ARID1B: variants seen among roughly 807,000 people sequenced by gnomAD.
The protein encoded by ARID1B is AT-rich interaction domain 1B, also known as AT-rich interactive domain-containing protein 1B.
A neutral mutation model predicts 212.3 loss-of-function variants in ARID1B; 30 were observed. That is an observed-to-expected ratio of 0.14 (90% CI 0.11 to 0.19). ARID1B has a LOEUF of 0.19. Among genes scored for constraint, ARID1B ranks in the 10% least tolerant of loss-of-function variants. The pLI, the probability that ARID1B is intolerant of heterozygous loss-of-function variation, is 1.00. For missense variants in ARID1B, 2,891 were observed against 3,204.0 expected (o/e 0.90, Z 2.36); for synonymous variants, 1,402 against 1,301.7 (o/e 1.08, Z -1.66).
chr6:157,070,729 T>A lies in ARID1B; in HGVS notation c.2248-13933T>A, dbSNP rs1345614252. Among the ~76,000 whole-genome samples, 4 of 152,230 alleles carry A rather than the reference T, an allele frequency of 2.6e-5. No homozygotes were observed. The East Asian group carries it at 7.7e-4, about 29-fold the overall frequency. ...TTTCTTAGTTTTCAAGTATTTTACATTGCTAGATTAGGAACAGTTTTATTT... is the reference window on the plus strand; with the variant it reads ...TTTCTTAGTTTTCAAGTATTTTACAATGCTAGATTAGGAACAGTTTTATTT... On this transcript the variant is annotated intron_variant, in intron 4 of 19. Coordinates refer to ENST00000636930, the MANE Select transcript of ARID1B (RefSeq NM_001374828.1).
intron 8 of ARID1B, among the ~76,000 whole-genome samples, chr6:157,152,856 A>G (rs1042206211): frequency 2.6e-5 from 4 of 152,206 alleles, no homozygotes; most frequent in African/African-American, 9.7e-5. Context: ...AGAGGAAGAA[A>G]TGGCATAGTG....
intron 1 of ARID1B, chr6:156,779,777 C>G (rs1156487741): frequency 6.5e-6 from 1 of 154,940 alleles, no homozygotes; most frequent in Admixed American, 6.5e-5. Context: ...GATCCCGAGG[C>G]GCCACCCGCG....
chr6:156,779,592 G>T (rs1779053579), intron 1 of ARID1B, 121 bp downstream of exon 1: 2 of 1,067,160 alleles, frequency 1.9e-6, no homozygotes, highest in Non-Finnish European at 2.3e-6. Flanking sequence ...GGGGCGCGGC[G>T]CCCAAAGCCA....
intron 1 of ARID1B, among the ~76,000 whole-genome samples, chr6:156,809,716 A>G (rs1451758230): frequency 3.3e-5 from 5 of 149,824 alleles, no homozygotes; most frequent in African/African-American, 4.9e-5. Context: ...TTTCAAAGAA[A>G]AAAAAAAAAA....
At chr6:156,805,499 G>C (rs1781089764) in intron 1 of ARID1B, among the ~76,000 whole-genome samples, 1 of 152,142 alleles carries the variant, frequency 6.6e-6, no homozygotes, top group South Asian at 2.1e-4. Context: ...AGGAAACCTA[G>C]CAGGTTTACA....
intron 5 of ARID1B, among the ~76,000 whole-genome samples, chr6:157,105,636 C>T (rs140979709): frequency 6.6e-6 from 1 of 152,120 alleles, no homozygotes; most frequent in African/African-American, 2.4e-5. Context: ...GAGTCTTGCT[C>T]TGTCGCCCAG....
intron 2 of ARID1B, among the ~76,000 whole-genome samples, chr6:156,877,432 G>A (rs959790125): frequency 6.6e-6 from 1 of 152,128 alleles, no homozygotes; most frequent in African/African-American, 2.4e-5. Flanking sequence ...CCCCTCTCCT[G>A]TTTCCTTCAG....
intron 8 of ARID1B, among the ~76,000 whole-genome samples, chr6:157,156,458 A>G (rs1330830424): frequency 2.0e-5 from 3 of 152,368 alleles, no homozygotes; most frequent in African/African-American, 7.2e-5. Flanking sequence ...TTTTAGAATT[A>G]CAGAACTATT....
chr6:157,148,579 C>G lies in ARID1B; in HGVS notation c.2762-45C>G. 1 of 1,551,876 alleles carries G rather than the reference C, an allele frequency of 6.4e-7. No homozygotes were observed. The highest frequency in any genetic ancestry group is 8.8e-7 in the Non-Finnish European group (1 of 1,141,660). ...AAAGTATTTCCAGTGAATGTTGTCA[C>G]AAGTTTAAATAAAAGGCTTTACTTT... is the stretch of plus-strand genomic sequence containing the variant. On this transcript the variant is annotated intron_variant, in intron 7 of 19. Transcript: ENST00000636930. This position sits in a 1 kb window ranked among gnomAD's most constrained non-coding sequence, Gnocchi z 5.6.
chr6:156,998,648 G>A (rs1562537974), intron 4 of ARID1B, among the ~76,000 whole-genome samples: 1 of 152,192 alleles, frequency 6.6e-6, no homozygotes, highest in Non-Finnish European at 1.5e-5. Context: ...CTCATCCTGA[G>A]GCTGGAGATT....
intron 4 of ARID1B, among the ~76,000 whole-genome samples, chr6:156,967,420 C>A (rs1184119292): frequency 6.6e-6 from 1 of 152,130 alleles, no homozygotes. Flanking sequence ...TAGCTGTCAC[C>A]AATGAAGTTA....
At chr6:156,981,928 T>C (rs888189355) in intron 4 of ARID1B, among the ~76,000 whole-genome samples, 6 of 152,278 alleles carry the variant, frequency 3.9e-5, no homozygotes, top group African/African-American at 1.4e-4. Context: ...TATTTTTTCT[T>C]AAGAGACATC....
rs2128401026 is a variant in ARID1B, at chr6:157,208,804, AT to A, written c.*918del. On this transcript the variant is annotated 3_prime_UTR_variant, in exon 20 of 20. Coordinates refer to ENST00000636930, the MANE Select transcript of ARID1B (RefSeq NM_001374828.1). The stretch of plus-strand genomic sequence containing the variant: ...TGATGGTAGATTTAAATAATTTTTT[AT>A]TTTTATTTTATATATTTTTTCATTA... 5.6e-6 allele frequency: 1 copy of A among 177,810 alleles called. No individual in the cohort carries two copies. The highest frequency in any genetic ancestry group is 1.1e-5 in the Non-Finnish European group (1 of 94,656). 11.0% of individuals were successfully genotyped at this position (177,810 alleles called of 1,614,324 possible). A position where few individuals can be genotyped will look rare whatever the true frequency, so the allele number is the denominator to read the frequency against.
chr6:156,798,366 G>A (rs188229643), intron 1 of ARID1B, among the ~76,000 whole-genome samples: 65 of 152,330 alleles, frequency 4.3e-4, no homozygotes, highest in Non-Finnish European at 7.4e-4. Flanking sequence ...GATTATGCTG[G>A]TGGTGGTGAT....
At chr6:157,157,535 A>G (rs1237052099) in intron 8 of ARID1B, among the ~76,000 whole-genome samples, 1 of 152,162 alleles carries the variant, frequency 6.6e-6, no homozygotes, top group African/African-American at 2.4e-5. Flanking sequence ...GGCAGCAGGA[A>G]GTTTGTAAGT....
chr6:157,180,207 G>T (rs764267860), intron 11 of ARID1B, among the ~76,000 whole-genome samples: 1 of 152,030 alleles, frequency 6.6e-6, no homozygotes, highest in African/African-American at 2.4e-5. Context: ...GTTCAGAAAC[G>T]GCAACTCTTG....
At chr6:157,009,923 T>C (rs1779468308) in intron 4 of ARID1B, among the ~76,000 whole-genome samples, 1 of 152,216 alleles carries the variant, frequency 6.6e-6, no homozygotes. Context: ...AAGAATGTGA[T>C]GTAATATAGC....
At chr6:156,802,328 A>G (rs1282559991) in intron 1 of ARID1B, among the ~76,000 whole-genome samples, 3 of 152,212 alleles carry the variant, frequency 2.0e-5, no homozygotes, top group Non-Finnish European at 4.4e-5. Flanking sequence ...AAGCTTGATG[A>G]TATGTAAAGG....
At chr6:156,875,124 T>C (rs988567055) in intron 2 of ARID1B, among the ~76,000 whole-genome samples, 3 of 152,246 alleles carry the variant, frequency 2.0e-5, no homozygotes, top group African/African-American at 4.8e-5. Flanking sequence ...TGTCTAGATA[T>C]ATATTTGAGG....
Sources: gnomAD v4.1 joint callset for allele counts (sites outside exome capture counted in the v4.1 genomes callset) on GRCh38, gnomAD v4.1.1 for gene constraint, Gnocchi (gnomAD v3.1) non-coding constraint, MANE v1.5 for transcripts, NCBI Gene and HGNC (gene_info 2026-07-23, HGNC 2026-07-21) for gene names.